Variants in TMEFF2 observed in about 807,000 individuals in gnomAD.
TMEFF2 encodes tomoregulin-2.
TMEFF2 carries 28 observed loss-of-function variants against 53.8 expected under a neutral mutation model. That is an observed-to-expected ratio of 0.52 (90% CI 0.39 to 0.71). TMEFF2 has a LOEUF of 0.71. TMEFF2 is among the 30% of genes least tolerant of loss of function. The pLI, the probability that TMEFF2 is intolerant of heterozygous loss-of-function variation, is 0.00. For synonymous variants in TMEFF2, 162 were observed against 166.3 expected, an observed-to-expected ratio of 0.97 and a Z score of 0.20; for missense variants, 353 against 455.2, an observed-to-expected ratio of 0.78 and a Z score of 2.04.
intron 5 of TMEFF2, among the ~76,000 whole-genome samples, chr2:192,003,915 TTG>T (rs140281152): frequency 2.5e-5 from 1 of 40,586 alleles, no homozygotes. Flanking sequence ...GTGAAAAAAT[TTG>T]TGTGTGTGTG....
At chr2:192,005,732 C>G (rs557068586) in intron 5 of TMEFF2, among the ~76,000 whole-genome samples, 149 of 152,258 alleles carry the variant, frequency 9.8e-4, no homozygotes, top group African/African-American at 3.4e-3. Context: ...GAGCTGCTGT[C>G]TGTGATCCCT....
chr2:192,136,268 G>A (rs1378608840), intron 4 of TMEFF2, among the ~76,000 whole-genome samples: 1 of 152,110 alleles, frequency 6.6e-6, no homozygotes, highest in Non-Finnish European at 1.5e-5. Context: ...TTAAATACAA[G>A]TCATTTTCCA....
intron 4 of TMEFF2, among the ~76,000 whole-genome samples, chr2:192,158,084 T>C (rs1299004125): frequency 2.6e-5 from 4 of 152,108 alleles, no homozygotes; most frequent in Non-Finnish European, 4.4e-5. Context: ...ATGTTTGTTA[T>C]GTGAATTTAT....
Position 191,950,279 on chromosome 2 carries a change from C to T in TMEFF2, c.*32G>A, listed in dbSNP as rs575026397. ...TACTGTATTGTGTAGTCCAAGCTCT[C>T]GGTAGTCCAGCCACTGTGAAACATG... On this transcript the variant is annotated 3_prime_UTR_variant, in exon 10 of 10. Coordinates refer to ENST00000272771, the MANE Select transcript of TMEFF2 (RefSeq NM_016192.4). 59 of 1,611,768 alleles carry T rather than the reference C, an allele frequency of 3.7e-5. No individual in the cohort carries two copies. The Middle Eastern group carries it at 5.0e-4, about 14-fold the overall frequency.
chr2:192,157,586 A>G (rs1466645966), intron 4 of TMEFF2, among the ~76,000 whole-genome samples: 2 of 151,986 alleles, frequency 1.3e-5, no homozygotes, highest in Non-Finnish European at 2.9e-5. Flanking sequence ...GTTTGTAAAT[A>G]TATATTTATT....
intron 4 of TMEFF2, among the ~76,000 whole-genome samples, chr2:192,133,553 C>A (rs1430415563): frequency 1.3e-5 from 2 of 152,246 alleles, no homozygotes; most frequent in Admixed American, 1.3e-4. Flanking sequence ...AGTTCAGGAT[C>A]TATGCCTTAT....
intron 4 of TMEFF2, among the ~76,000 whole-genome samples, chr2:192,126,428 TTAAAA>T (rs1308716330): frequency 1.3e-5 from 2 of 152,180 alleles, no homozygotes; most frequent in African/African-American, 2.4e-5. Flanking sequence ...CTCAAATACA[TTAAAA>T]TATTTGTATA....
intron 5 of TMEFF2, among the ~76,000 whole-genome samples, chr2:192,028,292 T>G (rs2105868984): frequency 6.6e-6 from 1 of 152,274 alleles, no homozygotes; most frequent in South Asian, 2.1e-4. Flanking sequence ...CAGTCTTGGG[T>G]ATGTCTTTAT....
At chr2:192,013,857 C>T (rs568163150) in intron 5 of TMEFF2, among the ~76,000 whole-genome samples, 1 of 152,170 alleles carries the variant, frequency 6.6e-6, no homozygotes, top group South Asian at 2.1e-4. Flanking sequence ...ACAACTAGAA[C>T]AATGGTTGAT....
intron 7 of TMEFF2, among the ~76,000 whole-genome samples, chr2:191,998,014 G>A (rs1574277589): frequency 2.6e-5 from 4 of 151,846 alleles, no homozygotes; most frequent in Admixed American, 1.3e-4. Flanking sequence ...TATTTGCACT[G>A]TAAAGACAAG....
intron 7 of TMEFF2, among the ~76,000 whole-genome samples, chr2:191,996,262 G>A (rs1175081691): frequency 2.6e-5 from 4 of 151,844 alleles, no homozygotes; most frequent in Non-Finnish European, 2.9e-5. Context: ...TGATCAACTT[G>A]AAGAGTTCTT....
intron 5 of TMEFF2, among the ~76,000 whole-genome samples, chr2:192,010,125 A>G (rs1686590195): frequency 6.6e-6 from 1 of 152,200 alleles, no homozygotes; most frequent in African/African-American, 2.4e-5. Context: ...AGCAGAGTTT[A>G]TCATATGAAG....
chr2:192,034,412 T>TC (rs1256964540), intron 5 of TMEFF2, among the ~76,000 whole-genome samples: 1 of 151,982 alleles, frequency 6.6e-6, no homozygotes, highest in African/African-American at 2.4e-5. Context: ...CTCCCATCAC[T>TC]CCTCCATGGG....
intron 4 of TMEFF2, among the ~76,000 whole-genome samples, chr2:192,173,206 T>G (rs1656936415): frequency 6.6e-6 from 1 of 151,838 alleles, no homozygotes; most frequent in African/African-American, 2.4e-5. Flanking sequence ...ATTACCCTGA[T>G]CTTATCATGA....
chr2:191,950,661 G>A (rs1381076392), intron 9 of TMEFF2, among the ~76,000 whole-genome samples: 2 of 152,104 alleles, frequency 1.3e-5, no homozygotes, highest in Admixed American at 1.3e-4. Flanking sequence ...GTCCTTAACT[G>A]CTTACTCATT....
intron 4 of TMEFF2, chr2:192,178,336 C>T (rs1019646944): frequency 6.7e-6 from 1 of 149,414 alleles, no homozygotes; most frequent in Non-Finnish European, 1.5e-5. Context: ...ATTTAATATG[C>T]TATTCTAAGG....
At chr2:191,982,868 A>G (rs1685886702) in intron 7 of TMEFF2, among the ~76,000 whole-genome samples, 1 of 152,146 alleles carries the variant, frequency 6.6e-6, no homozygotes. Flanking sequence ...TCTTAGAACA[A>G]TTTCCCAAGA....
intron 4 of TMEFF2, among the ~76,000 whole-genome samples, chr2:192,134,727 G>A (rs576313644): frequency 1.3e-5 from 2 of 152,214 alleles, no homozygotes; most frequent in South Asian, 2.1e-4. Flanking sequence ...TAGATAAGTA[G>A]AGGCCTTTCC....
intron 5 of TMEFF2, among the ~76,000 whole-genome samples, chr2:192,035,882 G>A (rs1440314522): frequency 1.3e-5 from 2 of 152,052 alleles, no homozygotes; most frequent in Non-Finnish European, 2.9e-5. Context: ...TATTTCCAAA[G>A]TGGTTCCATT....
Sources: gnomAD v4.1 joint callset for allele counts (sites outside exome capture counted in the v4.1 genomes callset) on GRCh38, gnomAD v4.1.1 for gene constraint, MANE v1.5 for transcripts, NCBI Gene and HGNC (gene_info 2026-07-23, HGNC 2026-07-21) for gene names.